The following NLRP3 variants were observed in gnomAD, a reference collection of about 807,000 sequenced individuals.
NLRP3 encodes the protein NACHT, LRR and PYD domains-containing protein 3.
In NLRP3, 48 loss-of-function variants were observed where a neutral mutation model predicts 91.3. The ratio of observed to expected loss-of-function variants is 0.53; its 90% CI spans 0.42 to 0.67. The LOEUF (loss-of-function observed/expected upper bound fraction) is 0.67. Among genes scored for constraint, NLRP3 ranks in the 30% least tolerant of loss-of-function variants. The pLI, the probability that NLRP3 is intolerant of heterozygous loss-of-function variation, is 0.00. For synonymous variants in NLRP3, 561 were observed against 507.9 expected (o/e 1.10, Z -1.41); for missense variants, 982 against 1,276.9 (o/e 0.77, Z 3.52).
intron 3 of NLRP3, 56 bp downstream of exon 3, chr1:247,423,405 C>G: frequency 1.2e-6 from 2 of 1,609,956 alleles, no homozygotes; most frequent in South Asian, 1.1e-5. Flanking sequence ...TCAGGAGGCT[C>G]TGGGAAGCTG....
At position 247,423,926 on chromosome 1, in the gene NLRP3, T is replaced by C; in HGVS notation, c.477T>C (p.Ser159=). 1.2e-6 allele frequency: 2 copies of C among 1,613,516 alleles called. No homozygotes were observed. Among genetic ancestry groups the C allele is most frequent in the South Asian group, 1.1e-5 (1 of 90,992 alleles). ...IEDRNARLGE[S]VSLNKRYTRL... ...ACAGGAATGCCCGTCTGGGTGAGAGTGTGAGCCTCAACAAACGCTACACAC... is the reference window on the plus strand; with the variant it reads ...ACAGGAATGCCCGTCTGGGTGAGAGCGTGAGCCTCAACAAACGCTACACAC... Residue 159 remains serine, a synonymous_variant, in exon 4 of 10, where the codon AGT becomes AGC. Coordinates refer to ENST00000336119, the MANE Select transcript of NLRP3 (RefSeq NM_001243133.2).
chr1:247,420,693 G>A (rs1057081691), intron 2 of NLRP3, among the ~76,000 whole-genome samples: 1 of 152,066 alleles, frequency 6.6e-6, no homozygotes, highest in Non-Finnish European at 1.5e-5. Context: ...CTCCAGCCTG[G>A]GCTAAAGAGC....
intron 7 of NLRP3, among the ~76,000 whole-genome samples, chr1:247,440,317 C>T (rs1664121759): frequency 3.3e-5 from 5 of 152,158 alleles, no homozygotes; most frequent in Admixed American, 3.3e-4. Context: ...TTCCTCCTGC[C>T]TCATTGAATA....
At chr1:247,423,129 T>C (rs903438982) in intron 2 of NLRP3, 101 bp from the exon 3 acceptor site, 11 of 1,491,634 alleles carry the variant, frequency 7.4e-6, no homozygotes, top group Non-Finnish European at 1.0e-5. Context: ...ATTTGGGGGA[T>C]GTTTGGGGTC....
In NLRP3 at chr1:247,434,020, G is replaced by A. The variant is rs142837840; in HGVS notation, c.2322-83G>A. ...TCTCTATTCCGGAGCTTCCTGATCA[G>A]GTGTGTCCTGATGCTTCCTCTGTTC... On this transcript the variant is annotated intron_variant, in intron 5 of 9. Transcript: ENST00000336119. The A allele has an allele frequency of 6.5e-4, 681 of 1,045,462 alleles. 16 individuals carry two copies. In the African/African-American group the frequency reaches 0.011, roughly 16 times the overall value. 64.8% of individuals were successfully genotyped at this position (1,045,462 alleles called of 1,614,324 possible). A position where few individuals can be genotyped will look rare whatever the true frequency, so the allele number is the denominator to read the frequency against.
chr1:247,438,859 G>C (rs73140556), intron 7 of NLRP3, among the ~76,000 whole-genome samples: 4,735 of 152,276 alleles, frequency 0.031, 245 homozygotes, highest in African/African-American at 0.11. Flanking sequence ...AAAGTGGAAA[G>C]TGAAAGCTCC....
At chr1:247,445,117 C>G (rs1275287870) in intron 9 of NLRP3, among the ~76,000 whole-genome samples, 1 of 152,162 alleles carries the variant, frequency 6.6e-6, no homozygotes, top group Non-Finnish European at 1.5e-5. Context: ...CACAAGGAAC[C>G]GAACTTCGTA....
chr1:247,416,932 G>C (rs951409736), intron 1 of NLRP3, among the ~76,000 whole-genome samples: 5 of 152,160 alleles, frequency 3.3e-5, no homozygotes, highest in Admixed American at 6.5e-5. Flanking sequence ...TTAGGTTGAG[G>C]TGCTTTGCCA....
chr1:247,418,979 A>G lies in NLRP3; in HGVS notation c.179A>G (p.Asn60Ser), dbSNP rs2103084344. 6.2e-7 allele frequency: 1 copy of G among 1,614,098 alleles called. No individual in the cohort carries two copies. Among genetic ancestry groups the G allele is most frequent in the Non-Finnish European group, 8.5e-7 (1 of 1,180,018 alleles). The change falls in exon 2 of 10, where the codon AAT becomes AGT. Residue 60 changes from asparagine to serine, a missense_variant. Physicochemically the swap from Asn to Ser is conservative, Grantham distance 46. This residue lies in a region of NLRP3 where 548 missense variants were observed against 713.7 expected (regional missense o/e 0.77). Coordinates refer to ENST00000336119, the MANE Select transcript of NLRP3 (RefSeq NM_001243133.2). ...CTAGCCACGCTAATGATCGACTTCAATGGGGAGGAGAAGGCGTGGGCCATG... is the reference window on the plus strand; with the variant it reads ...CTAGCCACGCTAATGATCGACTTCAGTGGGGAGGAGAAGGCGTGGGCCATG... ...VDLATLMIDF[N>S]GEEKAWAMAV...
chr1:247,437,876 A>G (rs1270954953), intron 7 of NLRP3, among the ~76,000 whole-genome samples: 1 of 152,228 alleles, frequency 6.6e-6, no homozygotes, highest in Non-Finnish European at 1.5e-5. Context: ...TGGGCTGTGA[A>G]GGAGCCGGAA....
rs201144528 is a variant in NLRP3 at position 247,434,075 on chromosome 1, G to A, written c.2322-28G>A. On this transcript the variant is annotated intron_variant, in intron 5 of 9. Coordinates refer to ENST00000336119, the MANE Select transcript of NLRP3 (RefSeq NM_001243133.2). The stretch of plus-strand genomic sequence containing the variant: ...GCTCTCTGGTCAGGTGTGTTCTGAT[G>A]CTTTCTGCCTCTGTTCTTGGCATGA... The A allele has an allele frequency of 3.1e-6, 5 of 1,613,450 alleles. No homozygotes were observed. The African/African-American group carries it at 6.7e-5, about 22-fold the overall frequency.
intron 2 of NLRP3, among the ~76,000 whole-genome samples, chr1:247,422,970 C>T (rs562835483): frequency 6.6e-6 from 1 of 152,330 alleles, no homozygotes; most frequent in East Asian, 1.9e-4. Flanking sequence ...ATTTCCAGGC[C>T]TGAGGAAGAG....
intron 5 of NLRP3, among the ~76,000 whole-genome samples, chr1:247,430,508 G>A (rs895153930): frequency 2.6e-5 from 4 of 152,126 alleles, no homozygotes; most frequent in Non-Finnish European, 5.9e-5. Flanking sequence ...CACATTATGA[G>A]GTCTTGAGGA....
intron 5 of NLRP3, among the ~76,000 whole-genome samples, chr1:247,432,118 C>T (rs1456586838): frequency 6.6e-5 from 10 of 152,170 alleles, no homozygotes; most frequent in South Asian, 2.1e-4. Context: ...CTCCTGACCT[C>T]GTGATCCACC....
Position 247,424,199 on chromosome 1 carries a change from G to A in NLRP3, c.750G>A (p.Arg250=). The change falls in exon 4 of 10, where the codon AGG becomes AGA. Residue 250 remains arginine (R), a synonymous_variant. Coordinates refer to ENST00000336119, the MANE Select transcript of NLRP3 (RefSeq NM_001243133.2). The surrounding 1 kb of genome is among the most constrained non-coding windows in gnomAD (Gnocchi z 8.1). ...CGTCGGGGACACTCTACCAAGACAG[G>A]TTTGACTATCTGTTCTATATCCACT... The part of the protein sequence containing the change: ...DWASGTLYQD[R]FDYLFYIHCR... 1 of 1,614,066 alleles carries A rather than the reference G, an allele frequency of 6.2e-7. No individual in the cohort carries two copies. The highest frequency in any genetic ancestry group is 1.1e-5 in the South Asian group (1 of 91,064).
rs1662689840 is a variant in NLRP3, at chr1:247,424,257, C to A, written c.808C>A (p.Leu270Met). 1 of 1,614,122 alleles carries A rather than the reference C, an allele frequency of 6.2e-7. No homozygotes were observed. Among genetic ancestry groups the A allele is most frequent in the Non-Finnish European group, 8.5e-7 (1 of 1,180,028 alleles). The stretch of plus-strand genomic sequence containing the variant: ...GGTGAGCCTTGTGACACAGAGGAGC[C>A]TGGGGGACCTGATCATGAGCTGCTG... ...REVSLVTQRS[L>M]GDLIMSCCPD... Residue 270 changes from leucine (L) to methionine (M), a missense_variant, in exon 4 of 10, where the codon CTG becomes ATG. Coordinates refer to ENST00000336119, the MANE Select transcript of NLRP3 (RefSeq NM_001243133.2). The surrounding 1 kb of genome is among the most constrained non-coding windows in gnomAD (Gnocchi z 8.1).
At position 247,444,049 on chromosome 1, in the gene NLRP3, A is replaced by G; in HGVS notation, c.2741A>G (p.His914Arg). 1 of 1,613,952 alleles carries G rather than the reference A, an allele frequency of 6.2e-7. No individual in the cohort carries two copies. The highest frequency in any genetic ancestry group is 8.5e-7 in the Non-Finnish European group (1 of 1,179,970). ...CTCAGCACTAATCAGAATCTCACGC[A>G]CCTTTACCTGCGAGGCAACACTCTC... ...SVLSTNQNLT[H>R]LYLRGNTLGD... Residue 914 changes from histidine (H) to arginine (R), a missense_variant, in exon 8 of 10, where the codon CAC becomes CGC. By Grantham distance (29) the His-to-Arg change is conservative. This residue lies in a region of NLRP3 where 373 missense variants were observed against 431.5 expected (regional missense o/e 0.86). Coordinates refer to ENST00000336119, the MANE Select transcript of NLRP3 (RefSeq NM_001243133.2).
chr1:247,448,653 G>A lies in NLRP3; in HGVS notation c.*149G>A. On this transcript the variant is annotated 3_prime_UTR_variant, in exon 10 of 10. Coordinates refer to ENST00000336119, the MANE Select transcript of NLRP3 (RefSeq NM_001243133.2). ...TCGGAGAAGAGAGCTTGCCGACGATGCCTTCCTGTGCAGAGCTTGGGCATC... is the reference window on the plus strand; with the variant it reads ...TCGGAGAAGAGAGCTTGCCGACGATACCTTCCTGTGCAGAGCTTGGGCATC... 1.4e-6 allele frequency: 1 copy of A among 694,712 alleles called. No homozygotes were observed. The highest frequency in any genetic ancestry group is 1.5e-5 in the South Asian group (1 of 67,742). The allele number at this position is 694,712 out of a possible 1,614,324, so 43.0% of individuals were successfully genotyped here.
At position 247,425,921 on chromosome 1, in the gene NLRP3, G is replaced by A. The variant is rs1440403781; in HGVS notation, c.2150+322G>A. The A allele has an allele frequency of 2.7e-6, 1 of 376,692 alleles. No homozygotes were observed. The highest frequency in any genetic ancestry group is 2.1e-5 in the African/African-American group (1 of 47,900). 23.3% of individuals were successfully genotyped at this position (376,692 alleles called of 1,614,324 possible). A position where few individuals can be genotyped will look rare whatever the true frequency, so the allele number is the denominator to read the frequency against. ...TTCTTGTAAGCTACTTGGAGCACTA[G>A]TGCCTAAGAGTCAGTCAATGTCTGT... On this transcript the variant is annotated intron_variant, in intron 4 of 9. Transcript: ENST00000336119. The surrounding 1 kb of genome is among the most constrained non-coding windows in gnomAD (Gnocchi z 4.1).
Sources: gnomAD v4.1 joint callset for allele counts (sites outside exome capture counted in the v4.1 genomes callset) on GRCh38, gnomAD v4.1.1 for gene constraint, gnomAD v4.1.1 regional missense constraint, Gnocchi (gnomAD v3.1) non-coding constraint, MANE v1.5 for transcripts, NCBI Gene and HGNC (gene_info 2026-07-23, HGNC 2026-07-21) for gene names.